DENND2B: variants seen among roughly 807,000 people sequenced by gnomAD.
The protein encoded by DENND2B is DENN domain containing 2B.
In DENND2B, 32 loss-of-function variants were observed where a neutral mutation model predicts 116.0. That is an observed-to-expected ratio of 0.28 (90% CI 0.21 to 0.37). DENND2B has a LOEUF of 0.37. Among genes scored for constraint, DENND2B ranks in the 10% least tolerant of loss-of-function variants. DENND2B has a pLI of 1.00. For missense variants in DENND2B, 1,276 were observed against 1,477.7 expected (o/e 0.86, Z 2.24); for synonymous variants, 588 against 583.9 (o/e 1.01, Z -0.10).
chr11:8,808,359 A>AAAAGCGACGG (rs2061063783), intron 1 of DENND2B: 1 of 152,204 alleles, frequency 6.6e-6, no homozygotes, highest in Non-Finnish European at 1.5e-5. Flanking sequence ...GGGACACAGG[A>AAAAGCGACGG]AAAGCGACGG....
At chr11:8,718,104 A>ACCCCCCCCC (rs1258754367) in intron 4 of DENND2B, 10 of 59,578 alleles carry the variant, frequency 1.7e-4, no homozygotes, top group Non-Finnish European at 2.5e-4. Context: ...CCACCCCCCC[A>ACCCCCCCCC]CCCCCCCCAA....
chr11:8,855,618 T>C (rs1273932841), intron 3 of DENND2B, among the ~76,000 whole-genome samples: 4 of 151,672 alleles, frequency 2.6e-5, no homozygotes, highest in South Asian at 2.1e-4. Flanking sequence ...GCAACTTTCA[T>C]AGGAAGGAGG....
chr11:8,737,616 G>A (rs75249858), intron 2 of DENND2B, among the ~76,000 whole-genome samples: 5,973 of 152,146 alleles, frequency 0.039, 338 homozygotes, highest in East Asian at 0.12. Context: ...GAAATGGGAT[G>A]GTAGCTGGAG....
intron 1 of DENND2B, among the ~76,000 whole-genome samples, chr11:8,893,097 G>A (rs1389417262): frequency 3.3e-5 from 5 of 152,170 alleles, no homozygotes; most frequent in East Asian, 1.9e-4. Context: ...TTCAACATAC[G>A]CAAATCAATA....
At chr11:8,826,306 C>T (rs900887279) in intron 4 of DENND2B, among the ~76,000 whole-genome samples, 1 of 152,146 alleles carries the variant, frequency 6.6e-6, no homozygotes, top group Non-Finnish European at 1.5e-5. Context: ...TCTGACCCAT[C>T]ATCTCCCCAA....
rs544625012 is a variant in DENND2B, at chr11:8,790,892, C to T, written c.-26+19625G>A. Among the ~76,000 whole-genome samples, 7 of 152,298 alleles carry T rather than the reference C, an allele frequency of 4.6e-5. No individual in the cohort carries two copies. In the South Asian group the frequency reaches 1.5e-3, roughly 32 times the overall value. ...TTTTCTGAGTTCGCAAGTTCACAAC[C>T]CTTGGAAAAACAACCCCAGGTTGAT... On this transcript the variant is annotated intron_variant, in intron 1 of 19. Transcript: ENST00000313726.
At chr11:8,817,469 G>A (rs542479450) in intron 4 of DENND2B, among the ~76,000 whole-genome samples, 1 of 152,158 alleles carries the variant, frequency 6.6e-6, no homozygotes, top group African/African-American at 2.4e-5. Flanking sequence ...TTTTATGATA[G>A]GAAGTTTTCC....
intron 3 of DENND2B, among the ~76,000 whole-genome samples, chr11:8,854,047 T>TTTTTG (rs2063110958): frequency 1.7e-5 from 2 of 119,394 alleles, no homozygotes; most frequent in Non-Finnish European, 3.6e-5. Flanking sequence ...TTTTTTTTTT[T>TTTTTG]GTAGAGACAG....
intron 4 of DENND2B, among the ~76,000 whole-genome samples, chr11:8,816,506 G>A (rs906434849): frequency 6.7e-6 from 1 of 150,292 alleles, no homozygotes; most frequent in African/African-American, 2.5e-5. Context: ...AGACATCATC[G>A]CATCACTGCA....
upstream of DENND2B, among the ~76,000 whole-genome samples, chr11:8,813,828 A>T (rs2134516641): frequency 6.6e-6 from 1 of 152,250 alleles, no homozygotes; most frequent in East Asian, 1.9e-4. Context: ...GGACAAAGGA[A>T]GGGCCCCATT....
chr11:8,724,445 G>A (rs1249356125), intron 4 of DENND2B, among the ~76,000 whole-genome samples: 1 of 152,240 alleles, frequency 6.6e-6, no homozygotes, highest in African/African-American at 2.4e-5. Flanking sequence ...GAGGGAGCCA[G>A]CAAGCAGGCA....
At chr11:8,825,385 G>A in intron 4 of DENND2B, among the ~76,000 whole-genome samples, 1 of 149,280 alleles carries the variant, frequency 6.7e-6, no homozygotes. Context: ...TTTTTTTCTT[G>A]TAAATTTGTT....
At chr11:8,735,078 G>A (rs1400840142) in intron 2 of DENND2B, among the ~76,000 whole-genome samples, 2 of 152,104 alleles carry the variant, frequency 1.3e-5, no homozygotes, top group Non-Finnish European at 2.9e-5. Context: ...GAAAGGTGGA[G>A]TCTATTGCTC....
chr11:8,720,060 C>T (rs961298601), intron 4 of DENND2B, among the ~76,000 whole-genome samples: 3 of 152,112 alleles, frequency 2.0e-5, no homozygotes, highest in South Asian at 2.1e-4. Flanking sequence ...CCAAAAATGT[C>T]TCCAGACACT....
At chr11:8,853,979 G>T (rs2063103548) in intron 3 of DENND2B, among the ~76,000 whole-genome samples, 1 of 144,914 alleles carries the variant, frequency 6.9e-6, no homozygotes. Context: ...CTCCTAAAGT[G>T]CTGGGATTAC....
intron 1 of DENND2B, among the ~76,000 whole-genome samples, chr11:8,782,811 C>T (rs1408013709): frequency 1.4e-5 from 2 of 145,606 alleles, no homozygotes; most frequent in African/African-American, 5.2e-5. Context: ...GGCATGAACC[C>T]AGGAAGCAGA....
intron 1 of DENND2B, among the ~76,000 whole-genome samples, chr11:8,771,029 A>G (rs2056760338): frequency 6.6e-6 from 1 of 152,188 alleles, no homozygotes; most frequent in Non-Finnish European, 1.5e-5. Context: ...ACTTAGATCC[A>G]ATTCTTCATT....
intron 3 of DENND2B, among the ~76,000 whole-genome samples, chr11:8,839,556 C>A (rs530931973): frequency 6.6e-6 from 1 of 152,300 alleles, no homozygotes; most frequent in East Asian, 1.9e-4. Flanking sequence ...ATGCTCAGGG[C>A]AACAGGCTTT....
chr11:8,749,031 A>C (rs1396149923), intron 2 of DENND2B, among the ~76,000 whole-genome samples: 1 of 152,218 alleles, frequency 6.6e-6, no homozygotes, highest in Non-Finnish European at 1.5e-5. Flanking sequence ...AATTACAAAT[A>C]AAATGACACA....
Sources: gnomAD v4.1 joint callset for allele counts (sites outside exome capture counted in the v4.1 genomes callset) on GRCh38, gnomAD v4.1.1 for gene constraint, MANE v1.5 for transcripts, NCBI Gene and HGNC (gene_info 2026-07-23, HGNC 2026-07-21) for gene names.